Variants in EXOC1 observed in about 807,000 individuals in gnomAD.
The protein encoded by EXOC1 is exocyst complex component 1, also known as SEC3-like 1.
In EXOC1, 67 loss-of-function variants were observed where a neutral mutation model predicts 107.7. The ratio of observed to expected loss-of-function variants is 0.62; its 90% CI spans 0.51 to 0.76. The LOEUF is 0.76. EXOC1 is among the 30% of genes least tolerant of loss of function. The pLI is 0.00. For synonymous variants in EXOC1, 348 were observed against 353.5 expected, an observed-to-expected ratio of 0.98 and a Z score of 0.17; for missense variants, 833 against 1,055.7, an observed-to-expected ratio of 0.79 and a Z score of 2.92.
chr4:55,893,797 A>T lies in EXOC1; in HGVS notation c.1953+17A>T. 1 of 1,591,722 alleles carries T rather than the reference A, an allele frequency of 6.3e-7. No individual in the cohort carries two copies. The highest frequency in any genetic ancestry group is 8.6e-7 in the Non-Finnish European group (1 of 1,164,380). On this transcript the variant is annotated intron_variant, in intron 15 of 18. Transcript: ENST00000381295. ...AAATGCATTGTAAGTTTTCTTTTTT[A>T]AAAAAATACCTTAGCATCCTAGTCA...
intron 6 of EXOC1, 56 bp downstream of exon 6, chr4:55,870,961 C>G: frequency 1.9e-6 from 3 of 1,548,026 alleles, no homozygotes; most frequent in Non-Finnish European, 2.6e-6. Flanking sequence ...ATATAAAACC[C>G]ATTTGTAAAC....
intron 15 of EXOC1, 145 bp downstream of exon 15, chr4:55,893,925 C>T: frequency 1.5e-6 from 1 of 676,206 alleles, no homozygotes. Context: ...CAACAATCTA[C>T]ATGAACAGAG....
rs1179568687 is a variant in EXOC1, at chr4:55,864,225, AG to A, written c.256del. 6.6e-7 allele frequency: 1 copy of A among 1,521,382 alleles called. No homozygotes were observed. The highest frequency in any genetic ancestry group is 8.9e-7 in the Non-Finnish European group (1 of 1,122,188). The allele number at this position is 1,521,382 out of a possible 1,614,324, so 94.2% of individuals were successfully genotyped here. On this transcript the variant is annotated splice_acceptor_variant, in intron 3 of 18. Coordinates refer to ENST00000381295, the MANE Select transcript of EXOC1 (RefSeq NM_001024924.2). LOFTEE classifies it high-confidence loss of function. ...AATATCTTTTGTATATTTTTATTTT[AG>A]GAAAATCCTGAATTTGATTTACACT...
In EXOC1 at chr4:55,860,445, C is replaced by T; in HGVS notation, c.159C>T (p.Val53=). The T allele has an allele frequency of 6.2e-7, 1 of 1,613,844 alleles. No homozygotes were observed. Among genetic ancestry groups the T allele is most frequent in the Non-Finnish European group, 8.5e-7 (1 of 1,179,878 alleles). Residue 53 remains valine, a synonymous_variant, in exon 3 of 19, where the codon GTC becomes GTT. Transcript: ENST00000381295. ...TTERPVQVKV[V]KVKKSDKGDF... is the part of the protein sequence containing the mutation. The stretch of plus-strand genomic sequence containing the variant: ...AACGCCCTGTGCAGGTTAAGGTGGT[C>T]AAAGTCAAGAAATCCGATAAGGGAG...
chr4:55,890,330 A>G lies in EXOC1; in HGVS notation c.1483A>G (p.Met495Val), dbSNP rs377634850. The G allele has an allele frequency of 3.1e-6, 5 of 1,614,046 alleles. No homozygotes were observed. Among genetic ancestry groups the G allele is most frequent in the African/African-American group, 2.7e-5 (2 of 75,046 alleles). ...RRSQSSSLLD[M>V]GNMSASDLDV... ...ATCTCAGTCATCTTCCCTGTTGGAT[A>G]TGGGAAACATGTCTGCCTCTGATCT... Residue 495 changes from methionine (M) to valine (V), a missense_variant, in exon 12 of 19, where the codon ATG becomes GTG. Physicochemically the swap from Met to Val is conservative, Grantham distance 21. Around this residue, in one of 2 missense-constraint regions of EXOC1, gnomAD observed 617 missense variants for 701.3 expected, o/e 0.88. Transcript: ENST00000381295.
chr4:55,903,632 C>G (rs1726267897), intron 18 of EXOC1, among the ~76,000 whole-genome samples: 1 of 152,156 alleles, frequency 6.6e-6, no homozygotes, highest in Non-Finnish European at 1.5e-5. Flanking sequence ...AATACCCACC[C>G]TCACCAGGTC....
intron 1 of EXOC1, among the ~76,000 whole-genome samples, chr4:55,855,213 A>G (rs1430887704): frequency 6.6e-6 from 1 of 152,212 alleles, no homozygotes; most frequent in African/African-American, 2.4e-5. Context: ...GGGTTGTGGG[A>G]CCTTGCAAAG....
chr4:55,887,367 T>C (rs1724022193), intron 10 of EXOC1, among the ~76,000 whole-genome samples: 1 of 152,172 alleles, frequency 6.6e-6, no homozygotes, highest in African/African-American at 2.4e-5. Flanking sequence ...TCAATAAATA[T>C]TTATAAATTA....
In EXOC1 at chr4:55,875,857, G is replaced by A. The variant is rs192061515; in HGVS notation, c.1075-2060G>A. ...AAGTGGGCCAATAACTTGAGCCCAG[G>A]AGTTTGGGGGCAACCTGGGCAGCAT... On this transcript the variant is annotated intron_variant, in intron 8 of 18. Coordinates refer to ENST00000381295, the MANE Select transcript of EXOC1 (RefSeq NM_001024924.2). 156 of 936,998 alleles carry A rather than the reference G, an allele frequency of 1.7e-4. 1 individual carries two copies. The African/African-American group carries it at 2.6e-3, about 16-fold the overall frequency. The allele number at this position is 936,998 out of a possible 1,614,324, so 58.0% of individuals were successfully genotyped here.
chr4:55,900,278 A>G (rs1439635959), intron 17 of EXOC1, among the ~76,000 whole-genome samples: 1 of 152,186 alleles, frequency 6.6e-6, no homozygotes, highest in Non-Finnish European at 1.5e-5. Flanking sequence ...ATGAACCTAG[A>G]TTAGGCTTTG....
At chr4:55,887,381 A>G (rs923526542) in intron 10 of EXOC1, among the ~76,000 whole-genome samples, 6 of 152,166 alleles carry the variant, frequency 3.9e-5, no homozygotes, top group African/African-American at 1.4e-4. Flanking sequence ...TAAATTACCT[A>G]TTATCTAATA....
intron 4 of EXOC1, among the ~76,000 whole-genome samples, chr4:55,866,131 T>C: frequency 6.6e-6 from 1 of 152,130 alleles, no homozygotes; most frequent in Non-Finnish European, 1.5e-5. Context: ...TAAAAAATTA[T>C]TACCACCCCA....
chr4:55,902,737 CTG>C (rs2109521488), intron 18 of EXOC1, among the ~76,000 whole-genome samples, 199 bp downstream of exon 18: 1 of 151,716 alleles, frequency 6.6e-6, no homozygotes, highest in African/African-American at 2.4e-5. Flanking sequence ...TTTCGTATTT[CTG>C]CTATATTATG....
Position 55,896,739 on chromosome 4 carries a change from A to G in EXOC1, c.1976A>G (p.Glu659Gly). The G allele has an allele frequency of 6.2e-7, 1 of 1,606,370 alleles. No homozygotes were observed. ...TAGAGTAACCAAATAAGGCAAATGG[A>G]AGAAGTAAAGATCTCAAAAAAGAGT... Reference protein sequence around the residue: ...KCISNQIRQMEEVKISKKSKV... With the variant: ...KCISNQIRQMGEVKISKKSKV... Residue 659 changes from glutamate to glycine, a missense_variant, in exon 16 of 19, where the codon GAA becomes GGA. By Grantham distance (98) the Glu-to-Gly change is moderately conservative. Transcript: ENST00000381295.
chr4:55,902,292 AAAT>A (rs1726043329), intron 17 of EXOC1, 49 bp from the exon 18 acceptor site: 4 of 1,303,804 alleles, frequency 3.1e-6, no homozygotes, highest in Admixed American at 3.3e-5. Flanking sequence ...TTTTTAATGT[AAAT>A]AATAATAAAT....
At chr4:55,855,768 C>G (rs989956516) in intron 1 of EXOC1, among the ~76,000 whole-genome samples, 42 of 152,052 alleles carry the variant, frequency 2.8e-4, no homozygotes, top group Non-Finnish European at 5.6e-4. Context: ...AACAAAAGCC[C>G]AGAGATAGAA....
chr4:55,901,575 A>AC, intron 17 of EXOC1, among the ~76,000 whole-genome samples: 1 of 152,084 alleles, frequency 6.6e-6, no homozygotes, highest in Admixed American at 6.6e-5. Flanking sequence ...AAGCACTAAG[A>AC]CCCCAATTTA....
chr4:55,872,837 C>T (rs1722567555), intron 8 of EXOC1: 2 of 918,408 alleles, frequency 2.2e-6, no homozygotes, highest in Non-Finnish European at 2.6e-6. Flanking sequence ...GCTCAAGCTT[C>T]TCTGATTCTG....
chr4:55,892,831 T>G, intron 14 of EXOC1, 120 bp downstream of exon 14: 1 of 837,084 alleles, frequency 1.2e-6, no homozygotes, highest in Non-Finnish European at 1.9e-6. Flanking sequence ...AGTACCAGCA[T>G]GTGTGTCCAT....
Sources: gnomAD v4.1 joint callset for allele counts (sites outside exome capture counted in the v4.1 genomes callset) on GRCh38, gnomAD v4.1.1 for gene constraint, gnomAD v4.1.1 regional missense constraint, MANE v1.5 for transcripts, NCBI Gene and HGNC (gene_info 2026-07-23, HGNC 2026-07-21) for gene names.